Variants in SASH1 observed in about 807,000 individuals in gnomAD.
The protein encoded by SASH1 is SAM and SH3 domain-containing protein 1.
SASH1 carries 44 observed loss-of-function variants against 125.2 expected under a neutral mutation model. That is an observed-to-expected ratio of 0.35 (90% confidence interval 0.28 to 0.45). The LOEUF (loss-of-function observed/expected upper bound fraction) is 0.45, where lower values mean the gene tolerates loss of function less well. Among genes scored for constraint, SASH1 ranks in the 20% least tolerant of loss-of-function variants. The pLI, the probability that SASH1 is intolerant of heterozygous loss-of-function variation, is 1.00. For missense variants in SASH1, 1,426 were observed against 1,614.5 expected (o/e 0.88, Z 2.00); for synonymous variants, 639 against 649.1 (o/e 0.98, Z 0.24).
intron 1 of SASH1, among the ~76,000 whole-genome samples, chr6:148,357,176 T>C (rs1304861258): frequency 3.3e-5 from 5 of 152,190 alleles, no homozygotes; most frequent in African/African-American, 9.6e-5. Flanking sequence ...TGTGCACATA[T>C]GCTGATTGGA....
chr6:148,496,517 A>G (rs1423789704), intron 8 of SASH1, among the ~76,000 whole-genome samples: 3 of 152,244 alleles, frequency 2.0e-5, no homozygotes, highest in African/African-American at 4.8e-5. Flanking sequence ...GGTATCAGCA[A>G]TTCTGTATAC....
At chr6:148,328,043 G>A (rs781117570) in intron 1 of SASH1, among the ~76,000 whole-genome samples, 10 of 151,856 alleles carry the variant, frequency 6.6e-5, no homozygotes, top group East Asian at 3.9e-4. Flanking sequence ...GCAGTTTTTC[G>A]TTTAAGGGAT....
chr6:148,487,922 T>G (rs2115208049), intron 8 of SASH1, among the ~76,000 whole-genome samples: 1 of 152,078 alleles, frequency 6.6e-6, no homozygotes, highest in East Asian at 1.9e-4. Context: ...GGTTTTGTTT[T>G]TTTTTTTTTT....
intron 2 of SASH1, among the ~76,000 whole-genome samples, chr6:148,423,490 C>T (rs1325254030): frequency 6.6e-6 from 1 of 152,200 alleles, no homozygotes; most frequent in African/African-American, 2.4e-5. Flanking sequence ...AGTGACACTT[C>T]ATTAGTACAA....
chr6:148,478,656 T>C (rs1373059329), intron 7 of SASH1: 2 of 152,222 alleles, frequency 1.3e-5, no homozygotes, highest in African/African-American at 4.8e-5. Context: ...TAATATATTG[T>C]ACATTTAAAA....
chr6:148,436,143 C>T (rs945281098), intron 2 of SASH1, among the ~76,000 whole-genome samples: 1 of 151,892 alleles, frequency 6.6e-6, no homozygotes, highest in South Asian at 2.1e-4. Context: ...CTTTGGCACT[C>T]CCCCAGCTGA....
intron 10 of SASH1, among the ~76,000 whole-genome samples, chr6:148,522,784 C>T (rs1393538886): frequency 6.6e-6 from 1 of 152,188 alleles, no homozygotes; most frequent in Admixed American, 6.5e-5. Context: ...TTATTTAGGT[C>T]ATCAACGTCA....
At position 148,459,595 on chromosome 6, in the gene SASH1, G is replaced by A. The variant is rs186263494; in HGVS notation, c.387-8950G>A. On this transcript the variant is annotated intron_variant, in intron 4 of 19. Transcript: ENST00000367467. ...TGTCCTTGGCCTGGAAAGCCTTTTG[G>A]CCATTCCCGAGGTGCCAGAGAACCA... Among the ~76,000 whole-genome samples the A allele has an allele frequency of 3.3e-5, 5 of 152,282 alleles. No homozygotes were observed. The East Asian group carries it at 9.6e-4, about 29-fold the overall frequency.
the SASH1 span, among the ~76,000 whole-genome samples, chr6:148,237,865 C>T: frequency 2.0e-5 from 3 of 152,180 alleles, no homozygotes; most frequent in African/African-American, 7.2e-5. Flanking sequence ...CCTCCCCCTA[C>T]CCTTCCAGGC....
In SASH1 at chr6:148,549,420, T is replaced by C. The variant is rs958494955; in HGVS notation, c.*862T>C. On this transcript the variant is annotated 3_prime_UTR_variant, in exon 20 of 20. Transcript: ENST00000367467. Reference sequence around the variant, plus strand: ...AATATCATGTGTGTGCGTGCGTGCGTGCGCGTGTGTGTCTGTATTCATAGT... The same window carrying C: ...AATATCATGTGTGTGCGTGCGTGCGCGCGCGTGTGTGTCTGTATTCATAGT... 12 of 392,128 alleles carry C rather than the reference T, an allele frequency of 3.1e-5. No individual in the cohort carries two copies. Among genetic ancestry groups the C allele is most frequent in the African/African-American group, 8.2e-5 (4 of 48,490 alleles). 24.3% of individuals were successfully genotyped at this position (392,128 alleles called of 1,614,324 possible).
the SASH1 span, among the ~76,000 whole-genome samples, chr6:148,263,968 C>T: frequency 2.0e-5 from 3 of 152,038 alleles, no homozygotes; most frequent in East Asian, 3.9e-4. Context: ...AACACTTGTA[C>T]GACAATCATT....
intron 1 of SASH1, among the ~76,000 whole-genome samples, chr6:148,286,760 T>G (rs1779493169): frequency 6.6e-6 from 1 of 152,196 alleles, no homozygotes; most frequent in African/African-American, 2.4e-5. Context: ...CTGTCTCCAA[T>G]TACGGTCATA....
At chr6:148,207,278 C>T in the SASH1 span, among the ~76,000 whole-genome samples, 2 of 152,170 alleles carry the variant, frequency 1.3e-5, no homozygotes, top group Admixed American at 1.3e-4. Context: ...TTGTAATGTG[C>T]CAGTGTGACT....
At chr6:148,308,094 G>A (rs1453174307) in intron 1 of SASH1, among the ~76,000 whole-genome samples, 12 of 151,950 alleles carry the variant, frequency 7.9e-5, no homozygotes, top group Admixed American at 6.6e-4. Context: ...GGGTATCTCT[G>A]GATCCATCTT....
chr6:148,369,509 A>C (rs1010033425), intron 1 of SASH1, among the ~76,000 whole-genome samples: 1 of 152,192 alleles, frequency 6.6e-6, no homozygotes, highest in Non-Finnish European at 1.5e-5. Flanking sequence ...AGTGTTCTAC[A>C]TGGATTATGT....
At chr6:148,517,537 C>G (rs1490359251) in intron 9 of SASH1, among the ~76,000 whole-genome samples, 2 of 152,162 alleles carry the variant, frequency 1.3e-5, no homozygotes, top group Non-Finnish European at 2.9e-5. Context: ...CAAGTTCAAG[C>G]CATCCAGGTC....
intron 2 of SASH1, among the ~76,000 whole-genome samples, chr6:148,391,258 C>T (rs12194955): frequency 0.17 from 26,218 of 151,724 alleles, 2,473 homozygotes; most frequent in Admixed American, 0.29. Context: ...TACAGGCATG[C>T]GCCACCACAC....
chr6:148,503,160 A>G (rs1779630890), intron 8 of SASH1, among the ~76,000 whole-genome samples: 1 of 152,216 alleles, frequency 6.6e-6, no homozygotes, highest in Non-Finnish European at 1.5e-5. Context: ...TTATTTATCT[A>G]AGTGGAAAAG....
intron 1 of SASH1, among the ~76,000 whole-genome samples, chr6:148,361,914 CTTTT>C (rs745596285): frequency 8.0e-6 from 1 of 125,502 alleles, no homozygotes; most frequent in Non-Finnish European, 1.7e-5. Flanking sequence ...TTTTCTTTTT[CTTTT>C]TTTTTTTTTT....
Sources: allele counts gnomAD v4.1 joint callset (sites outside exome capture counted in the v4.1 genomes callset), GRCh38; gene constraint gnomAD v4.1.1; transcripts MANE v1.5; gene names NCBI Gene and HGNC (gene_info 2026-07-23, HGNC 2026-07-21).